Variants in PTP4A1 observed in about 807,000 individuals in gnomAD.
PTP4A1 encodes the protein protein tyrosine phosphatase 4A1, also known as protein tyrosine phosphatase type IVA 1.
In PTP4A1, 9 loss-of-function variants were observed where a neutral mutation model predicts 20.5. That is an observed-to-expected ratio of 0.44 (90% confidence interval 0.26 to 0.77). PTP4A1 has a LOEUF of 0.77. Ranked by LOEUF, PTP4A1 falls within the 30% of genes least tolerant of loss-of-function variation. The probability of loss-of-function intolerance (pLI) is 0.19; values close to 1 mark genes in which losing one functional copy is unlikely to be tolerated. For synonymous variants in PTP4A1, 78 were observed against 67.4 expected (o/e 1.16, Z -0.77); for missense variants, 137 against 218.8 (o/e 0.63, Z 2.36).
At chr6:63,548,155 T>C (rs554703328) in intron 2 of PTP4A1, among the ~76,000 whole-genome samples, 83 of 152,290 alleles carry the variant, frequency 5.5e-4, no homozygotes, top group African/African-American at 1.9e-3. Context: ...TAGATGACCC[T>C]CTCTGATTTC....
chr6:63,565,179 A>ATTTT (rs201461223), intron 3 of PTP4A1, among the ~76,000 whole-genome samples: 1 of 145,522 alleles, frequency 6.9e-6, no homozygotes. Flanking sequence ...TGCCCAGATA[A>ATTTT]TTTTTTTTTT....
chr6:63,536,191 C>A (rs1328643716), intron 2 of PTP4A1, among the ~76,000 whole-genome samples: 2 of 152,182 alleles, frequency 1.3e-5, no homozygotes, highest in Admixed American at 6.5e-5. Context: ...ATTAGCTGGG[C>A]GTGGTGGCGG....
At chr6:63,571,019 T>A (rs1053671281), upstream of PTP4A1, 8 of 152,202 alleles carry the variant, frequency 5.3e-5, no homozygotes, top group Non-Finnish European at 1.0e-4. Context: ...CTTTTTTAAA[T>A]CATTTATTTG....
At chr6:63,573,075 G>C (rs961066218) in intron 1 of PTP4A1, among the ~76,000 whole-genome samples, 5 of 151,934 alleles carry the variant, frequency 3.3e-5, no homozygotes, top group African/African-American at 7.2e-5. Context: ...CACAAAAGCC[G>C]CTTTGTGACC....
At chr6:63,547,742 A>C (rs1581925937) in intron 2 of PTP4A1, among the ~76,000 whole-genome samples, 1 of 131,252 alleles carries the variant, frequency 7.6e-6, no homozygotes. Context: ...CGATCTCCTG[A>C]CCTCATGATC....
In PTP4A1 at chr6:63,576,413, TTCTG is replaced by T. The variant is rs1777871450; in HGVS notation, c.-445-19_-445-16del. The T allele has an allele frequency of 5.0e-6, 2 of 399,774 alleles. No individual in the cohort carries two copies. Among genetic ancestry groups the T allele is most frequent in the East Asian group, 3.6e-5 (1 of 28,076 alleles). 24.8% of individuals were successfully genotyped at this position (399,774 alleles called of 1,614,324 possible). On this transcript the variant is annotated intron_variant, in intron 1 of 5. Coordinates refer to ENST00000626021, the MANE Select transcript of PTP4A1 (RefSeq NM_003463.5). Reference sequence around the variant, plus strand: ...AATTGGAAAATAACTTATTCTCTCTTTCTGTCTTTTTCTTTTAAACAGCAATTCT... The same window carrying T: ...AATTGGAAAATAACTTATTCTCTCTTTCTTTTTCTTTTAAACAGCAATTCT...
At chr6:63,534,880 T>G (rs1378766084) in intron 2 of PTP4A1, among the ~76,000 whole-genome samples, 3 of 142,842 alleles carry the variant, frequency 2.1e-5, no homozygotes, top group Non-Finnish European at 4.6e-5. Flanking sequence ...AATTTCAACA[T>G]GGTGAAATTT....
intron 5 of PTP4A1, 33 bp downstream of exon 5, chr6:63,579,364 T>G (rs2149517220): frequency 6.7e-7 from 1 of 1,499,038 alleles, no homozygotes; most frequent in South Asian, 1.2e-5. Flanking sequence ...ATTTGTACTC[T>G]CTTTCATTTC....
chr6:63,565,371 A>C (rs1252553289), intron 3 of PTP4A1, among the ~76,000 whole-genome samples: 1 of 152,122 alleles, frequency 6.6e-6, no homozygotes, highest in East Asian at 1.9e-4. Flanking sequence ...AATTGATTAC[A>C]ATTAGACATG....
rs1778273100 is a variant in PTP4A1, at chr6:63,582,076, A to C, written c.*1902A>C. On this transcript the variant is annotated 3_prime_UTR_variant, in exon 6 of 6. Coordinates refer to ENST00000626021, the MANE Select transcript of PTP4A1 (RefSeq NM_003463.5). Reference sequence around the variant, plus strand: ...TTTAACACTTAATATATTTCATTGGATTTTAGACAGGGCAAAAGGAAGAAC... The same window carrying C: ...TTTAACACTTAATATATTTCATTGGCTTTTAGACAGGGCAAAAGGAAGAAC... The C allele has an allele frequency of 6.6e-6, 1 of 152,098 alleles. No homozygotes were observed. Among genetic ancestry groups the C allele is most frequent in the Non-Finnish European group, 1.5e-5 (1 of 67,978 alleles). 9.4% of individuals were successfully genotyped at this position (152,098 alleles called of 1,614,324 possible).
rs937562993 is a variant in PTP4A1 at position 63,582,089 on chromosome 6, C to CA, written c.*1919dup. On this transcript the variant is annotated 3_prime_UTR_variant, in exon 6 of 6. Coordinates refer to ENST00000626021, the MANE Select transcript of PTP4A1 (RefSeq NM_003463.5). The stretch of plus-strand genomic sequence containing the variant: ...ATATTTCATTGGATTTTAGACAGGG[C>CA]AAAAGGAAGAACAGGGGCCTCTGGA... 6.6e-6 allele frequency: 1 copy of CA among 151,960 alleles called. No homozygotes were observed. Among genetic ancestry groups the CA allele is most frequent in the African/African-American group, 2.4e-5 (1 of 41,376 alleles). The allele number at this position is 151,960 out of a possible 1,614,324, so 9.4% of individuals were successfully genotyped here.
intron 3 of PTP4A1, chr6:63,550,628 G>A (rs1163863608): frequency 2.0e-5 from 3 of 152,334 alleles, no homozygotes; most frequent in Non-Finnish European, 4.4e-5. Flanking sequence ...TGGTTGGTTG[G>A]TTGGTTTTTG....
intron 1 of PTP4A1, among the ~76,000 whole-genome samples, chr6:63,574,690 A>C (rs914102781): frequency 3.3e-5 from 5 of 152,242 alleles, no homozygotes; most frequent in Non-Finnish European, 5.9e-5. Context: ...TAATTGAAAA[A>C]AAGGTAATAC....
At chr6:63,560,229 T>C (rs931755733) in intron 3 of PTP4A1, among the ~76,000 whole-genome samples, 2 of 151,290 alleles carry the variant, frequency 1.3e-5, no homozygotes, top group African/African-American at 2.4e-5. Flanking sequence ...TCCCAGCTAC[T>C]TGGGAGGCTG....
intron 3 of PTP4A1, among the ~76,000 whole-genome samples, chr6:63,564,458 TTAAA>T (rs1189644930): frequency 2.6e-5 from 4 of 152,192 alleles, no homozygotes; most frequent in African/African-American, 9.7e-5. Flanking sequence ...GTAGCTTTTG[TTAAA>T]TAAATGTTAT....
chr6:63,556,526 G>A (rs1298708731), intron 3 of PTP4A1, among the ~76,000 whole-genome samples: 2 of 152,114 alleles, frequency 1.3e-5, no homozygotes, highest in African/African-American at 4.8e-5. Flanking sequence ...CCCTAGGTGT[G>A]CCTTGTTAGG....
intron 2 of PTP4A1, among the ~76,000 whole-genome samples, chr6:63,541,488 G>A (rs577100750): frequency 2.6e-5 from 4 of 152,058 alleles, no homozygotes; most frequent in African/African-American, 9.7e-5. Flanking sequence ...CGGAGGCAGA[G>A]GTTGCAGTGA....
chr6:63,519,651 A>C (rs540911824), upstream of PTP4A1, among the ~76,000 whole-genome samples: 49 of 152,348 alleles, frequency 3.2e-4, no homozygotes, highest in African/African-American at 1.1e-3. Flanking sequence ...AATTGAATTA[A>C]AAAGTAGGAC....
chr6:63,547,404 G>T (rs1298568306), intron 2 of PTP4A1, among the ~76,000 whole-genome samples: 3 of 150,948 alleles, frequency 2.0e-5, no homozygotes. Context: ...TGGCCAGGCT[G>T]GTCTTGAACT....
Sources: allele counts gnomAD v4.1 joint callset (sites outside exome capture counted in the v4.1 genomes callset), GRCh38; gene constraint gnomAD v4.1.1; transcripts MANE v1.5; gene names NCBI Gene and HGNC (gene_info 2026-07-23, HGNC 2026-07-21).